GRID2: variants seen among roughly 807,000 people sequenced by gnomAD.
GRID2 encodes the protein glutamate ionotropic receptor delta type subunit 2.
Under a neutral mutation model 114.8 loss-of-function variants are expected in GRID2, and 33 were observed. The ratio of observed to expected loss-of-function variants is 0.29; its 90% CI spans 0.22 to 0.38. GRID2 has a LOEUF of 0.38. Ranked by LOEUF, GRID2 falls within the 10% of genes least tolerant of loss-of-function variation. GRID2 has a pLI of 1.00. For synonymous variants in GRID2, 505 were observed against 449.9 expected, an observed-to-expected ratio of 1.12 and a Z score of -1.55; for missense variants, 1,184 against 1,257.7, an observed-to-expected ratio of 0.94 and a Z score of 0.89.
At chr4:93,540,859 G>A (rs542651980) in intron 13 of GRID2, among the ~76,000 whole-genome samples, 3 of 152,224 alleles carry the variant, frequency 2.0e-5, no homozygotes, top group South Asian at 4.1e-4. Context: ...GTCTTCCACT[G>A]AACTGTAGAA....
intron 13 of GRID2, among the ~76,000 whole-genome samples, chr4:93,538,463 G>A (rs1053116463): frequency 2.6e-5 from 4 of 151,790 alleles, no homozygotes; most frequent in Non-Finnish European, 5.9e-5. Flanking sequence ...AATACGTGTA[G>A]ATACTGCGTT....
chr4:93,081,257 A>C (rs916009757), intron 2 of GRID2, among the ~76,000 whole-genome samples: 1 of 152,248 alleles, frequency 6.6e-6, no homozygotes, highest in African/African-American at 2.4e-5. Context: ...AAAAAGGATG[A>C]TGCTACCAAA....
chr4:93,727,516 G>A (rs1451814980), intron 14 of GRID2, among the ~76,000 whole-genome samples: 1 of 152,158 alleles, frequency 6.6e-6, no homozygotes, highest in East Asian at 1.9e-4. Flanking sequence ...GAGTTACGGA[G>A]GATTCCCTCT....
At chr4:92,909,135 A>AT (rs1412103994) in intron 2 of GRID2, among the ~76,000 whole-genome samples, 1 of 152,086 alleles carries the variant, frequency 6.6e-6, no homozygotes, top group Non-Finnish European at 1.5e-5. Flanking sequence ...TAAAAGAATT[A>AT]TTTTTTATTT....
At chr4:92,938,079 C>T (rs1184150751) in intron 2 of GRID2, among the ~76,000 whole-genome samples, 1 of 146,596 alleles carries the variant, frequency 6.8e-6, no homozygotes, top group Non-Finnish European at 1.5e-5. Context: ...TTTAAATGCT[C>T]TTTATGCATG....
At chr4:93,252,246 G>A (rs891680733) in intron 8 of GRID2, among the ~76,000 whole-genome samples, 2 of 151,448 alleles carry the variant, frequency 1.3e-5, no homozygotes, top group Non-Finnish European at 1.5e-5. Context: ...TTTGTATATG[G>A]TATAAGGAAG....
intron 2 of GRID2, among the ~76,000 whole-genome samples, chr4:92,942,103 A>T (rs1278727620): frequency 6.6e-6 from 1 of 152,144 alleles, no homozygotes; most frequent in African/African-American, 2.4e-5. Flanking sequence ...TGCAGAGCTG[A>T]GTTCAATTCC....
chr4:93,525,429 A>T (rs1401099009), intron 13 of GRID2, among the ~76,000 whole-genome samples: 7 of 152,266 alleles, frequency 4.6e-5, no homozygotes, highest in Middle Eastern at 6.8e-3. Flanking sequence ...TGGAACAAAG[A>T]CACCTACTGG....
intron 1 of GRID2, among the ~76,000 whole-genome samples, chr4:92,361,574 T>C (rs1034699659): frequency 2.0e-5 from 3 of 151,990 alleles, no homozygotes; most frequent in African/African-American, 7.2e-5. Flanking sequence ...GGCATGGTCA[T>C]TTCTAGAAAA....
At chr4:93,467,870 C>T (rs1208601138) in intron 11 of GRID2, among the ~76,000 whole-genome samples, 1 of 152,176 alleles carries the variant, frequency 6.6e-6, no homozygotes, top group Non-Finnish European at 1.5e-5. Context: ...AACAAACTTC[C>T]TTTATTTAAT....
chr4:92,844,577 T>C (rs1743155865), intron 2 of GRID2, among the ~76,000 whole-genome samples: 1 of 151,710 alleles, frequency 6.6e-6, no homozygotes, highest in African/African-American at 2.4e-5. Context: ...AATACCTATA[T>C]GTGAATGGGA....
At chr4:93,152,183 C>T (rs1001841505) in intron 4 of GRID2, among the ~76,000 whole-genome samples, 2 of 152,134 alleles carry the variant, frequency 1.3e-5, no homozygotes, top group African/African-American at 4.8e-5. Context: ...TAACTCTTCA[C>T]AATGTAATTT....
intron 8 of GRID2, among the ~76,000 whole-genome samples, chr4:93,324,024 T>G (rs1757545264): frequency 6.6e-6 from 1 of 152,116 alleles, no homozygotes; most frequent in Admixed American, 6.6e-5. Flanking sequence ...CTTTTCCTGA[T>G]TGAGTACCCT....
intron 9 of GRID2, among the ~76,000 whole-genome samples, chr4:93,407,011 G>A (rs1368468715): frequency 6.6e-6 from 1 of 152,130 alleles, no homozygotes; most frequent in Non-Finnish European, 1.5e-5. Context: ...TTGGATTTCA[G>A]TTCACAAAAG....
At chr4:92,711,613 T>G (rs555768008) in intron 2 of GRID2, among the ~76,000 whole-genome samples, 123 of 152,148 alleles carry the variant, frequency 8.1e-4, no homozygotes, top group African/African-American at 2.7e-3. Context: ...TTTTAAAGAG[T>G]TCATGTAGGC....
intron 2 of GRID2, among the ~76,000 whole-genome samples, chr4:92,669,365 T>TA (rs1431547442): frequency 3.3e-5 from 5 of 151,916 alleles, no homozygotes; most frequent in African/African-American, 1.2e-4. Context: ...GAAAGCTTTG[T>TA]ATATTATAAA....
intron 4 of GRID2, among the ~76,000 whole-genome samples, chr4:93,128,049 A>AAC (rs1734452296): frequency 6.9e-6 from 1 of 144,892 alleles, no homozygotes; most frequent in Non-Finnish European, 1.5e-5. Context: ...AAAAAAAAAA[A>AAC]AAAAAAAAAA....
At chr4:92,707,816 G>C (rs1735026777) in intron 2 of GRID2, among the ~76,000 whole-genome samples, 1 of 152,226 alleles carries the variant, frequency 6.6e-6, no homozygotes, top group South Asian at 2.1e-4. Context: ...GTTCGACTGT[G>C]TTGTAACAGA....
intron 13 of GRID2, among the ~76,000 whole-genome samples, chr4:93,594,573 G>A (rs1474633203): frequency 1.3e-5 from 2 of 152,184 alleles, no homozygotes; most frequent in Admixed American, 1.3e-4. Context: ...GAGCTGTGGT[G>A]GGCTCCACCC....
Sources: gnomAD v4.1 joint callset for allele counts (sites outside exome capture counted in the v4.1 genomes callset) on GRCh38, gnomAD v4.1.1 for gene constraint, MANE v1.5 for transcripts, NCBI Gene and HGNC (gene_info 2026-07-23, HGNC 2026-07-21) for gene names.